The following RAB39A variants were observed in gnomAD, a reference collection of about 807,000 sequenced individuals.
RAB39A encodes the protein RAB39A, member RAS oncogene family.
In RAB39A, 17 loss-of-function variants were observed where a neutral mutation model predicts 20.9. That is an observed-to-expected ratio of 0.81 (90% CI 0.56 to 1.22). The LOEUF is 1.22. RAB39A is among the 50% of genes most tolerant of loss of function. RAB39A has a pLI of 0.00. For missense variants in RAB39A, 234 were observed against 270.5 expected (o/e 0.87, Z 0.95); for synonymous variants, 99 against 103.4 (o/e 0.96, Z 0.26).
intron 1 of RAB39A, 59 bp from the exon 2 acceptor site, chr11:107,961,887 G>A: frequency 7.7e-7 from 1 of 1,304,216 alleles, no homozygotes; most frequent in Non-Finnish European, 1.1e-6. Context: ...TAGATTGTTG[G>A]AAGGAGAAGA....
intron 1 of RAB39A, among the ~76,000 whole-genome samples, chr11:107,942,403 T>C (rs1376152506): frequency 7.2e-5 from 11 of 152,280 alleles, no homozygotes; most frequent in African/African-American, 2.4e-4. Context: ...TCTTGATTTA[T>C]TTGTTTTTTG....
intron 1 of RAB39A, among the ~76,000 whole-genome samples, chr11:107,933,377 C>CTTTTTTTTTTTTTTTTTTT: frequency 1.4e-5 from 1 of 73,072 alleles, no homozygotes; most frequent in South Asian, 6.6e-4. Context: ...TTTATTCTTT[C>CTTTTTTTTTTTTTTTTTTT]TTTTTTTTTT....
rs550426706 is a variant in RAB39A at position 107,931,423 on chromosome 11, G to A, written c.227+2628G>A. Among the ~76,000 whole-genome samples the A allele has an allele frequency of 7.9e-5, 12 of 152,248 alleles. No homozygotes were observed. In the East Asian group the frequency reaches 2.3e-3, roughly 29 times the overall value. ...CTGACAGTGAGTCATAATTTATTTT[G>A]TTTGGCTCTTTACCAAAGTTCTGTT... On this transcript the variant is annotated intron_variant, in intron 1 of 1. Transcript: ENST00000320578.
chr11:107,944,543 T>G (rs1861290545), intron 1 of RAB39A, among the ~76,000 whole-genome samples: 1 of 152,004 alleles, frequency 6.6e-6, no homozygotes, highest in Non-Finnish European at 1.5e-5. Flanking sequence ...CGTGCCACCA[T>G]GCCCGGCTAA....
chr11:107,935,416 C>G (rs1269672629), intron 1 of RAB39A, among the ~76,000 whole-genome samples: 1 of 151,608 alleles, frequency 6.6e-6, no homozygotes, highest in African/African-American at 2.4e-5. Context: ...GCTCTGTCGC[C>G]TAGGCTGGAG....
In RAB39A at chr11:107,961,983, G is replaced by T. The variant is rs1438586198; in HGVS notation, c.265G>T (p.Gly89Ter). 1 of 1,612,902 alleles carries T rather than the reference G, an allele frequency of 6.2e-7. No homozygotes were observed. The highest frequency in any genetic ancestry group is 8.5e-7 in the Non-Finnish European group (1 of 1,179,130). ...ATCTTATTACCGCAACTCAGTTGGT[G>T]GATTTTTAGTATTTGACATTACTAA... The part of the protein sequence containing the change: ...TRSYYRNSVG[G>*]FLVFDITNRR... Residue 89 changes from glycine (G) to a stop codon, truncating the protein, a stop_gained, in exon 2 of 2, where the codon GGA becomes TGA. Coordinates refer to ENST00000320578, the MANE Select transcript of RAB39A (RefSeq NM_017516.3). LOFTEE classifies it high-confidence loss of function.
intron 1 of RAB39A, among the ~76,000 whole-genome samples, chr11:107,960,568 G>T (rs1260969598): frequency 6.6e-6 from 1 of 152,210 alleles, no homozygotes; most frequent in African/African-American, 2.4e-5. Context: ...CCAGGAAACA[G>T]ATGGCACAAT....
chr11:107,949,748 A>G (rs1445130141), intron 1 of RAB39A, among the ~76,000 whole-genome samples: 2 of 152,244 alleles, frequency 1.3e-5, no homozygotes, highest in African/African-American at 4.8e-5. Context: ...TAGTGAAGCT[A>G]GAAACATTTC....
Position 107,928,662 on chromosome 11 carries a change from C to G in RAB39A, c.94C>G (p.Arg32Gly). Residue 32 changes from arginine to glycine, a missense_variant, in exon 1 of 2, where the codon CGC (arginine) becomes GGC (glycine). By Grantham distance (125) the Arg-to-Gly change is moderately radical. Coordinates refer to ENST00000320578, the MANE Select transcript of RAB39A (RefSeq NM_017516.3). The surrounding 1 kb of genome is among the most constrained non-coding windows in gnomAD (Gnocchi z 4.9). ...SCLLHRFTQG[R>G]FPGLRSPACD... ...CCTCCTGCACCGCTTCACCCAGGGC[C>G]GCTTCCCCGGGCTGCGCTCCCCCGC... is the stretch of plus-strand genomic sequence containing the variant. 2.5e-6 allele frequency: 4 copies of G among 1,612,748 alleles called. No homozygotes were observed. Among genetic ancestry groups the G allele is most frequent in the Non-Finnish European group, 3.4e-6 (4 of 1,179,194 alleles).
intron 1 of RAB39A, among the ~76,000 whole-genome samples, chr11:107,935,165 A>G (rs1250173900): frequency 6.6e-6 from 1 of 152,138 alleles, no homozygotes; most frequent in African/African-American, 2.4e-5. Flanking sequence ...CTTGCACAAG[A>G]AAGAATTCAG....
chr11:107,959,131 A>G (rs1215106164), intron 1 of RAB39A, among the ~76,000 whole-genome samples: 2 of 145,872 alleles, frequency 1.4e-5, no homozygotes, highest in Non-Finnish European at 3.0e-5. Context: ...AAAAAAAAAA[A>G]GAAAAGAAAA....
At chr11:107,946,454 ATATATATTTTTTTTTTTTT>A (rs1861317673) in intron 1 of RAB39A, among the ~76,000 whole-genome samples, 4 of 61,908 alleles carry the variant, frequency 6.5e-5, no homozygotes, top group East Asian at 4.0e-4. Context: ...ATATATATAT[ATATATATTTTTTTTTTTTT>A]TTTTTTTTTT....
chr11:107,948,729 C>T (rs537516156), intron 1 of RAB39A, among the ~76,000 whole-genome samples: 10 of 152,074 alleles, frequency 6.6e-5, no homozygotes, highest in African/African-American at 1.4e-4. Context: ...CGTGAGCCAC[C>T]GCGCCCAGCT....
Position 107,928,611 on chromosome 11 carries a change from G to T in RAB39A, c.43G>T (p.Gly15Trp). The change falls in exon 1 of 2, where the codon GGG (glycine) becomes TGG (tryptophan). Residue 15 changes from glycine (G) to tryptophan (W), a missense_variant. By Grantham distance (184) the Gly-to-Trp change is radical. Transcript: ENST00000320578. The surrounding 1 kb of genome is among the most constrained non-coding windows in gnomAD (Gnocchi z 4.9). ...CTACCAGTTCCGCCTCATCGTGATC[G>T]GGGACTCCACCGTGGGCAAGTCCTG... ...WIYQFRLIVI[G>W]DSTVGKSCLL... 6.3e-7 allele frequency: 1 copy of T among 1,591,990 alleles called. No individual in the cohort carries two copies. The highest frequency in any genetic ancestry group is 8.6e-7 in the Non-Finnish European group (1 of 1,163,986).
Position 107,963,181 on chromosome 11 carries a change from T to C in RAB39A, c.*809T>C, listed in dbSNP as rs1368655190. ...CTGGGTTCAGGTGATTGTCAGTACC[T>C]TACCTCAGCCTCCTGAGTAGCTGGA... On this transcript the variant is annotated 3_prime_UTR_variant, in exon 2 of 2. Transcript: ENST00000320578. The C allele has an allele frequency of 6.6e-6, 1 of 152,044 alleles. No individual in the cohort carries two copies. The highest frequency in any genetic ancestry group is 2.4e-5 in the African/African-American group (1 of 41,390). 9.4% of individuals were successfully genotyped at this position (152,044 alleles called of 1,614,324 possible). A position where few individuals can be genotyped will look rare whatever the true frequency, so the allele number is the denominator to read the frequency against.
Position 107,928,919 on chromosome 11 carries a change from C to A in RAB39A, c.227+124C>A. The A allele has an allele frequency of 1.5e-6, 1 of 660,370 alleles. No homozygotes were observed. Among genetic ancestry groups the A allele is most frequent in the Non-Finnish European group, 2.4e-6 (1 of 413,314 alleles). 40.9% of individuals were successfully genotyped at this position (660,370 alleles called of 1,614,324 possible). A position where few individuals can be genotyped will look rare whatever the true frequency, so the allele number is the denominator to read the frequency against. On this transcript the variant is annotated intron_variant, in intron 1 of 1. Transcript: ENST00000320578. This position sits in a 1 kb window ranked among gnomAD's most constrained non-coding sequence, Gnocchi z 4.9. ...CTCTGGCCCTTCCCTCTCGAAAGTG[C>A]AAACACTCCATTCTCGCTTCCCCTT...
At chr11:107,945,845 T>C (rs1050566385) in intron 1 of RAB39A, among the ~76,000 whole-genome samples, 2 of 152,158 alleles carry the variant, frequency 1.3e-5, no homozygotes, top group African/African-American at 4.8e-5. Flanking sequence ...CCAGGCATTT[T>C]GAGGTTGGGG....
intron 1 of RAB39A, among the ~76,000 whole-genome samples, chr11:107,952,408 C>T (rs1861390260): frequency 6.6e-6 from 1 of 152,100 alleles, no homozygotes. Context: ...ATGTGAAACT[C>T]CGTCTCTACA....
intron 1 of RAB39A, among the ~76,000 whole-genome samples, chr11:107,938,359 CAAAAAAAAA>C (rs58613355): frequency 3.2e-5 from 2 of 63,376 alleles, no homozygotes; most frequent in Non-Finnish European, 5.4e-5. Context: ...GACTCCGTCT[CAAAAAAAAA>C]AAAAAAAAAA....
Sources: allele counts gnomAD v4.1 joint callset (sites outside exome capture counted in the v4.1 genomes callset), GRCh38; gene constraint gnomAD v4.1.1; non-coding constraint Gnocchi (gnomAD v3.1); transcripts MANE v1.5; gene names NCBI Gene and HGNC (gene_info 2026-07-23, HGNC 2026-07-21).